PPM1E: variants seen among roughly 807,000 people sequenced by gnomAD.
The protein encoded by PPM1E is protein phosphatase, Mg2+/Mn2+ dependent 1E.
In PPM1E, 20 loss-of-function variants were observed where a neutral mutation model predicts 65.9. The ratio of observed to expected loss-of-function variants is 0.30; its 90% CI spans 0.21 to 0.44. The LOEUF (loss-of-function observed/expected upper bound fraction) is 0.44, where lower values mean the gene tolerates loss of function less well. Ranked by LOEUF, PPM1E falls within the 20% of genes least tolerant of loss-of-function variation. The pLI is 1.00. For synonymous variants in PPM1E, 352 were observed against 374.9 expected (o/e 0.94, Z 0.70); for missense variants, 713 against 953.1 (o/e 0.75, Z 3.32).
intron 1 of PPM1E, among the ~76,000 whole-genome samples, chr17:58,872,191 A>G (rs1272664187): frequency 6.6e-6 from 1 of 152,032 alleles, no homozygotes; most frequent in African/African-American, 2.4e-5. Flanking sequence ...CAGCTACTCC[A>G]GAGGCTGAGA....
intron 1 of PPM1E, among the ~76,000 whole-genome samples, chr17:58,906,233 T>TC (rs1216492285): frequency 6.6e-6 from 1 of 152,236 alleles, no homozygotes; most frequent in African/African-American, 2.4e-5. Context: ...TTGCATCCTC[T>TC]CCTTTTTTCT....
chr17:58,979,853 C>A, intron 6 of PPM1E, 121 bp from the exon 7 acceptor site: 3 of 748,424 alleles, frequency 4.0e-6, no homozygotes, highest in Admixed American at 3.1e-5. Flanking sequence ...TAAATTCTTT[C>A]CAGTCAAGTC....
chr17:58,813,526 T>C (rs1369339227), intron 1 of PPM1E, among the ~76,000 whole-genome samples: 1 of 152,210 alleles, frequency 6.6e-6, no homozygotes, highest in Non-Finnish European at 1.5e-5. Context: ...CTGTAATTCT[T>C]GCCAAGATAG....
chr17:58,947,305 C>T (rs1386625751), intron 1 of PPM1E, among the ~76,000 whole-genome samples: 1 of 139,166 alleles, frequency 7.2e-6, no homozygotes, highest in African/African-American at 2.7e-5. Flanking sequence ...GACGTGATCT[C>T]AGCTCACTGC....
chr17:58,871,103 C>T (rs1008221946), intron 1 of PPM1E, among the ~76,000 whole-genome samples: 5 of 152,138 alleles, frequency 3.3e-5, no homozygotes, highest in African/African-American at 1.2e-4. Flanking sequence ...GGTGTGATTA[C>T]AGCTCACTGC....
At position 58,981,215 on chromosome 17, in the gene PPM1E, T is replaced by C. The variant is rs958680088; in HGVS notation, c.*184T>C. ...GTGTTTTCAATCTAAAAAGAAGTAT[T>C]GGCAGTTTCACTTGCAAAATTACAC... On this transcript the variant is annotated 3_prime_UTR_variant, in exon 7 of 7. Coordinates refer to ENST00000308249, the MANE Select transcript of PPM1E (RefSeq NM_014906.5). 9.0e-6 allele frequency: 5 copies of C among 557,356 alleles called. No homozygotes were observed. The Admixed American group carries it at 1.1e-4, about 12-fold the overall frequency. 34.5% of individuals were successfully genotyped at this position (557,356 alleles called of 1,614,324 possible).
intron 1 of PPM1E, among the ~76,000 whole-genome samples, chr17:58,842,117 C>T (rs1454412107): frequency 2.0e-5 from 3 of 152,122 alleles, no homozygotes; most frequent in Non-Finnish European, 4.4e-5. Context: ...ACTGGGACTA[C>T]AGGCATGGGA....
intron 1 of PPM1E, among the ~76,000 whole-genome samples, chr17:58,895,561 C>T (rs1318694033): frequency 1.3e-5 from 2 of 152,056 alleles, no homozygotes; most frequent in Non-Finnish European, 2.9e-5. Context: ...AATTCCAAAA[C>T]TTTGGGAGGC....
At chr17:58,774,021 G>A (rs1567829447) in intron 1 of PPM1E, among the ~76,000 whole-genome samples, 2 of 152,054 alleles carry the variant, frequency 1.3e-5, no homozygotes, top group Non-Finnish European at 2.9e-5. Flanking sequence ...AATTAGCTGG[G>A]TGTGGTGACA....
chr17:58,795,735 G>T (rs953717590), intron 1 of PPM1E, among the ~76,000 whole-genome samples: 12 of 152,120 alleles, frequency 7.9e-5, no homozygotes, highest in Non-Finnish European at 1.5e-4. Context: ...TATTCTGACT[G>T]GTGTGAGATG....
At chr17:58,917,801 A>AT (rs2051702344) in intron 1 of PPM1E, among the ~76,000 whole-genome samples, 1 of 151,872 alleles carries the variant, frequency 6.6e-6, no homozygotes, top group Admixed American at 6.6e-5. Flanking sequence ...TAGTTTTGTC[A>AT]TTTTTCATTT....
chr17:58,932,798 A>T (rs2051919691), intron 1 of PPM1E, among the ~76,000 whole-genome samples: 1 of 152,230 alleles, frequency 6.6e-6, no homozygotes, highest in Admixed American at 6.5e-5. Context: ...AAAGCAGTTA[A>T]CAACTCCAGG....
chr17:58,904,204 TTATATAA>T (rs1421187759), intron 1 of PPM1E, among the ~76,000 whole-genome samples: 3 of 152,164 alleles, frequency 2.0e-5, no homozygotes, highest in Non-Finnish European at 4.4e-5. Context: ...GAAGTCTTTC[TTATATAA>T]TATTTTGCTT....
At chr17:58,872,648 A>G (rs1156302568) in intron 1 of PPM1E, among the ~76,000 whole-genome samples, 4 of 152,350 alleles carry the variant, frequency 2.6e-5, no homozygotes, top group Non-Finnish European at 5.9e-5. Context: ...TTCTGTCTTC[A>G]TGTATAGTCT....
intron 1 of PPM1E, among the ~76,000 whole-genome samples, chr17:58,935,994 T>C (rs1237338240): frequency 7.5e-5 from 11 of 145,912 alleles, no homozygotes; most frequent in African/African-American, 2.5e-4. Context: ...ACAACAGTCC[T>C]CAGAGTGTGA....
chr17:58,964,744 T>C (rs2143670386), intron 2 of PPM1E, among the ~76,000 whole-genome samples: 1 of 152,218 alleles, frequency 6.6e-6, no homozygotes, highest in African/African-American at 2.4e-5. Flanking sequence ...AAACAAATAA[T>C]ATCAAACAGA....
intron 1 of PPM1E, among the ~76,000 whole-genome samples, chr17:58,758,812 G>T (rs931011433): frequency 6.6e-6 from 1 of 152,128 alleles, no homozygotes; most frequent in Non-Finnish European, 1.5e-5. Context: ...GGGCACAGTG[G>T]CTCATGCCTG....
intron 1 of PPM1E, among the ~76,000 whole-genome samples, chr17:58,851,409 GT>G (rs1441880194): frequency 6.6e-6 from 1 of 152,176 alleles, no homozygotes; most frequent in Non-Finnish European, 1.5e-5. Flanking sequence ...CATCTTTGTG[GT>G]TTTTTCTACC....
intron 1 of PPM1E, among the ~76,000 whole-genome samples, chr17:58,775,072 T>C (rs2049980355): frequency 6.6e-6 from 1 of 152,152 alleles, no homozygotes; most frequent in Non-Finnish European, 1.5e-5. Flanking sequence ...GGGATGCTTG[T>C]GATCTCTTGA....
Sources: gnomAD v4.1 joint callset for allele counts (sites outside exome capture counted in the v4.1 genomes callset) on GRCh38, gnomAD v4.1.1 for gene constraint, MANE v1.5 for transcripts, NCBI Gene and HGNC (gene_info 2026-07-23, HGNC 2026-07-21) for gene names.